TPX2: variants seen among roughly 807,000 people sequenced by gnomAD.
TPX2 encodes the protein targeting protein for Xklp2.
Under a neutral mutation model 93.6 loss-of-function variants are expected in TPX2, and 21 were observed. The ratio of observed to expected loss-of-function variants is 0.22; its 90% CI spans 0.16 to 0.32. The LOEUF is 0.32. Among genes scored for constraint, TPX2 ranks in the 10% least tolerant of loss-of-function variants. The probability of loss-of-function intolerance (pLI) is 1.00; values close to 1 mark genes in which losing one functional copy is unlikely to be tolerated. For missense variants in TPX2, 776 were observed against 871.1 expected (o/e 0.89, Z 1.37); for synonymous variants, 281 against 298.3 (o/e 0.94, Z 0.60).
At position 31,780,946 on chromosome 20, in the gene TPX2, G is replaced by A. The variant is rs891386909; in HGVS notation, c.1055-1303G>A. ...TCTTGTTTTGCTTTTTAGAGACAGGGTCTTGCTCCGTCACCCAGGCTGGAG... is the reference window on the plus strand; with the variant it reads ...TCTTGTTTTGCTTTTTAGAGACAGGATCTTGCTCCGTCACCCAGGCTGGAG... On this transcript the variant is annotated intron_variant, in intron 10 of 17. Coordinates refer to ENST00000300403, the MANE Select transcript of TPX2 (RefSeq NM_012112.5). The A allele has an allele frequency of 7.3e-6, 3 of 408,966 alleles. No homozygotes were observed. The Admixed American group carries it at 9.0e-5, about 12-fold the overall frequency. The allele number at this position is 408,966 out of a possible 1,614,324, so 25.3% of individuals were successfully genotyped here. A position where few individuals can be genotyped will look rare whatever the true frequency, so the allele number is the denominator to read the frequency against.
At chr20:31,754,186 C>A (rs547672570) in intron 2 of TPX2, among the ~76,000 whole-genome samples, 1 of 151,942 alleles carries the variant, frequency 6.6e-6, no homozygotes, top group African/African-American at 2.4e-5. Flanking sequence ...TGCAGCCTCC[C>A]GGGTTGAAGT....
chr20:31,753,677 T>C (rs749373383), intron 2 of TPX2, among the ~76,000 whole-genome samples: 11 of 152,168 alleles, frequency 7.2e-5, no homozygotes, highest in Admixed American at 1.3e-4. Context: ...CATGGGAAGA[T>C]GATGTTCTCT....
Position 31,793,983 on chromosome 20 carries a change from T to C in TPX2, c.1645T>C (p.Leu549=), listed in dbSNP as rs763891734. ...SFDSRDKERQ[L]QKEKKIKELQ... is the part of the protein sequence containing the mutation. ...TGATTCTCGAGACAAAGAACGTCAGTTACAGAAGGAGAAGAAAATAAAAGA... is the reference window on the plus strand; with the variant it reads ...TGATTCTCGAGACAAAGAACGTCAGCTACAGAAGGAGAAGAAAATAAAAGA... The change falls in exon 14 of 18, where the codon TTA becomes CTA. Residue 549 remains leucine (L), a synonymous_variant. Transcript: ENST00000300403. 3.1e-6 allele frequency: 5 copies of C among 1,613,488 alleles called. No individual in the cohort carries two copies. The highest frequency in any genetic ancestry group is 3.3e-5 in the Admixed American group (2 of 59,856).
chr20:31,770,414 A>G lies in TPX2; in HGVS notation c.428A>G (p.Lys143Arg). 1 of 1,606,498 alleles carries G rather than the reference A, an allele frequency of 6.2e-7. No homozygotes were observed. Among genetic ancestry groups the G allele is most frequent in the South Asian group, 1.1e-5 (1 of 89,714 alleles). ...AAGCATCATGTAAAAATGAAAGCCA[A>G]GAGATGTGCCACTCCTGTAATCATC... is the stretch of plus-strand genomic sequence containing the variant. ...KEKHHVKMKAKRCATPVIIDE... is the reference protein window; with the variant it reads ...KEKHHVKMKARRCATPVIIDE... Residue 143 changes from lysine to arginine, a missense_variant, in exon 6 of 18, where the codon AAG (lysine) becomes AGG (arginine). Transcript: ENST00000300403.
chr20:31,747,901 G>C (rs967938980), intron 2 of TPX2, among the ~76,000 whole-genome samples: 2 of 150,932 alleles, frequency 1.3e-5, no homozygotes, highest in East Asian at 3.9e-4. Context: ...GCTCTGGCCT[G>C]TTCCATTTCC....
intron 2 of TPX2, among the ~76,000 whole-genome samples, chr20:31,756,020 G>A (rs948558610): frequency 1.3e-5 from 2 of 152,090 alleles, no homozygotes; most frequent in Admixed American, 6.6e-5. Context: ...TGACTCTTAC[G>A]TGTATTTCAA....
At chr20:31,789,270 A>G (rs921745172) in intron 12 of TPX2, among the ~76,000 whole-genome samples, 6 of 152,196 alleles carry the variant, frequency 3.9e-5, no homozygotes, top group Admixed American at 2.0e-4. Context: ...GTGTGTATCT[A>G]TATTATTCAC....
At chr20:31,798,764 T>A (rs2062153418) in intron 17 of TPX2, among the ~76,000 whole-genome samples, 1 of 152,214 alleles carries the variant, frequency 6.6e-6, no homozygotes, top group South Asian at 2.1e-4. Context: ...GTAGGAGCTG[T>A]AATTTTGGCC....
chr20:31,788,154 C>T (rs891510633), intron 12 of TPX2, among the ~76,000 whole-genome samples: 18 of 152,078 alleles, frequency 1.2e-4, no homozygotes, highest in African/African-American at 4.3e-4. Context: ...CGGTGGCTCA[C>T]GCCTGTAATC....
intron 7 of TPX2, among the ~76,000 whole-genome samples, chr20:31,772,250 A>T (rs2061968946): frequency 6.6e-6 from 1 of 152,074 alleles, no homozygotes; most frequent in Non-Finnish European, 1.5e-5. Context: ...CGAATTCCTG[A>T]CTTTAAGTTA....
intron 9 of TPX2, 139 bp downstream of exon 9, chr20:31,777,777 G>C: frequency 2.3e-6 from 2 of 859,526 alleles, no homozygotes; most frequent in Non-Finnish European, 3.2e-6. Flanking sequence ...AAATATAACA[G>C]ATCTTTTTTT....
At chr20:31,784,072 T>C in intron 12 of TPX2, 151 bp downstream of exon 12, 1 of 793,964 alleles carries the variant, frequency 1.3e-6, no homozygotes, top group Middle Eastern at 3.5e-4. Context: ...GGATTTTGCT[T>C]TTAGTTAACT....
chr20:31,766,779 G>T, intron 5 of TPX2, 97 bp downstream of exon 5: 1 of 1,143,564 alleles, frequency 8.7e-7, no homozygotes, highest in South Asian at 2.2e-5. Context: ...CTGTGTTTAT[G>T]GACACCTTTA....
intron 8 of TPX2, among the ~76,000 whole-genome samples, chr20:31,776,527 C>CT (rs1186077492): frequency 9.2e-4 from 134 of 145,252 alleles, no homozygotes; most frequent in Admixed American, 9.0e-4. Flanking sequence ...TACTTTCTTT[C>CT]TTTTTTTTTT....
rs58444259 is a variant in TPX2, at chr20:31,751,633, A to G, written c.-70-5774A>G. ...TAGGCAGAGAATTAGTGACTTGCCT[A>G]TTGTCATATACATGTGGTAAATGCC... On this transcript the variant is annotated intron_variant, in intron 2 of 17. Transcript: ENST00000300403. Among the ~76,000 whole-genome samples, 396 of 152,314 alleles carry G rather than the reference A, an allele frequency of 2.6e-3. 4 individuals carry two copies. Among genetic ancestry groups the G allele is most frequent in the African/African-American group, 9.1e-3 (380 of 41,574 alleles).
chr20:31,750,874 G>A (rs950296636), intron 2 of TPX2, among the ~76,000 whole-genome samples: 1 of 152,100 alleles, frequency 6.6e-6, no homozygotes, highest in African/African-American at 2.4e-5. Flanking sequence ...TAGATCTAGG[G>A]AAATAAATAC....
At chr20:31,742,930 T>C (rs1333681079) in intron 2 of TPX2, among the ~76,000 whole-genome samples, 2 of 152,056 alleles carry the variant, frequency 1.3e-5, no homozygotes, top group African/African-American at 4.8e-5. Flanking sequence ...AATTCTCATA[T>C]GCGGCCGGTT....
intron 2 of TPX2, among the ~76,000 whole-genome samples, chr20:31,743,480 G>T (rs2061765025): frequency 6.6e-6 from 1 of 152,088 alleles, no homozygotes; most frequent in Non-Finnish European, 1.5e-5. Flanking sequence ...GAGGCCAGGA[G>T]TTCGCGACCA....
chr20:31,777,650 G>A lies in TPX2; in HGVS notation c.882+12G>A. 1 of 1,609,152 alleles carries A rather than the reference G, an allele frequency of 6.2e-7. No individual in the cohort carries two copies. Among genetic ancestry groups the A allele is most frequent in the Non-Finnish European group, 8.5e-7 (1 of 1,176,394 alleles). The stretch of plus-strand genomic sequence containing the variant: ...ATCCTTCATCTCCTGTAAGTTGATG[G>A]ACTAAATGAACATTTCTGTTACTAA... On this transcript the variant is annotated intron_variant, in intron 9 of 17. Coordinates refer to ENST00000300403, the MANE Select transcript of TPX2 (RefSeq NM_012112.5).
Sources: gnomAD v4.1 joint callset for allele counts (sites outside exome capture counted in the v4.1 genomes callset) on GRCh38, gnomAD v4.1.1 for gene constraint, MANE v1.5 for transcripts, NCBI Gene and HGNC (gene_info 2026-07-23, HGNC 2026-07-21) for gene names.